Variants in RMND1 observed in about 807,000 individuals in gnomAD.
The protein encoded by RMND1 is required for meiotic nuclear division 1 homolog, also known as required for meiotic nuclear division protein 1 homolog.
In RMND1, 41 loss-of-function variants were observed where a neutral mutation model predicts 54.0. That is an observed-to-expected ratio of 0.76 (90% CI 0.59 to 0.98). The LOEUF (loss-of-function observed/expected upper bound fraction) is 0.98. RMND1 is among the 50% of genes least tolerant of loss of function. RMND1 has a pLI of 0.00. For synonymous variants in RMND1, 183 were observed against 181.7 expected, an observed-to-expected ratio of 1.01 and a Z score of -0.06; for missense variants, 457 against 532.0, an observed-to-expected ratio of 0.86 and a Z score of 1.39.
intron 5 of RMND1, among the ~76,000 whole-genome samples, chr6:151,428,796 A>C (rs554111445): frequency 6.6e-6 from 1 of 152,212 alleles, no homozygotes; most frequent in African/African-American, 2.4e-5. Flanking sequence ...AGACTCCCAA[A>C]GTGATACGAT....
intron 6 of RMND1, among the ~76,000 whole-genome samples, chr6:151,424,301 A>G (rs1199805034): frequency 1.3e-5 from 2 of 152,004 alleles, no homozygotes; most frequent in African/African-American, 2.4e-5. Flanking sequence ...TCTACTCAAA[A>G]CACAAAATAA....
chr6:151,449,744 CCCTGCCTGATTCT>C (rs1275712693), intron 1 of RMND1, among the ~76,000 whole-genome samples: 10 of 152,208 alleles, frequency 6.6e-5, no homozygotes, highest in Admixed American at 5.9e-4. Flanking sequence ...ACTGCAACCT[CCCTGCCTGATTCT>C]CCTGCCTCAG....
chr6:151,428,584 T>G (rs546882444), intron 5 of RMND1, among the ~76,000 whole-genome samples: 134 of 152,272 alleles, frequency 8.8e-4, no homozygotes, highest in Middle Eastern at 3.4e-3. Flanking sequence ...CAGGCTGGAG[T>G]GCAGTGATGC....
chr6:151,426,919 G>A (rs995296219), intron 6 of RMND1, among the ~76,000 whole-genome samples: 11 of 151,392 alleles, frequency 7.3e-5, no homozygotes, highest in East Asian at 3.9e-4. Flanking sequence ...ACAAGCACCC[G>A]CCACCATAAC....
intron 1 of RMND1, among the ~76,000 whole-genome samples, chr6:151,451,671 A>C (rs969656432): frequency 6.6e-6 from 1 of 152,216 alleles, no homozygotes; most frequent in African/African-American, 2.4e-5. Flanking sequence ...GGCACATTTC[A>C]ACTTTTAGAG....
rs139249125 is a variant in RMND1 at position 151,425,665 on chromosome 6, C to T, written c.830+1817G>A. 3.2e-3 allele frequency among the ~76,000 whole-genome samples: 487 copies of T among 152,292 alleles called. 3 individuals are homozygous for T. The highest frequency in any genetic ancestry group is 0.011 in the African/African-American group (462 of 41,556). On this transcript the variant is annotated intron_variant, in intron 6 of 11. Transcript: ENST00000444024. ...TTGCTGTCTCTCTCAGGTTTATATC[C>T]TTACCTCTGACTGCAGCCACCACTG...
At chr6:151,431,395 G>A (rs922746254) in intron 4 of RMND1, among the ~76,000 whole-genome samples, 1 of 152,162 alleles carries the variant, frequency 6.6e-6, no homozygotes, top group Non-Finnish European at 1.5e-5. Context: ...GAATGACCCT[G>A]CTTACAATAG....
chr6:151,428,714 T>G (rs1780373948), intron 5 of RMND1, among the ~76,000 whole-genome samples: 1 of 152,142 alleles, frequency 6.6e-6, no homozygotes, highest in Non-Finnish European at 1.5e-5. Context: ...AAAAACTTTT[T>G]GTAGAGATGG....
chr6:151,427,695 T>C (rs1780343359), intron 5 of RMND1, 113 bp from the exon 6 acceptor site: 1 of 635,502 alleles, frequency 1.6e-6, no homozygotes, highest in Admixed American at 2.8e-5. Flanking sequence ...TTATTTCTGT[T>C]GCATGTTTTT....
At chr6:151,410,104 G>A (rs1286188774) in intron 10 of RMND1, among the ~76,000 whole-genome samples, 2 of 150,910 alleles carry the variant, frequency 1.3e-5, no homozygotes, top group East Asian at 1.9e-4. Flanking sequence ...ACCCAGGCTG[G>A]ACTGCAGTGG....
intron 10 of RMND1, among the ~76,000 whole-genome samples, chr6:151,407,132 T>G (rs899024997): frequency 6.6e-6 from 1 of 151,656 alleles, no homozygotes; most frequent in Non-Finnish European, 1.5e-5. Flanking sequence ...CCAGCCTGGG[T>G]GCCAAAGTGA....
chr6:151,405,631 A>C, intron 11 of RMND1, 89 bp downstream of exon 11: 1 of 704,540 alleles, frequency 1.4e-6, no homozygotes, highest in Non-Finnish European at 2.4e-6. Flanking sequence ...TCTGCTAATA[A>C]TTTTCTATCT....
chr6:151,407,604 A>G (rs780338646), intron 10 of RMND1, among the ~76,000 whole-genome samples: 16 of 152,106 alleles, frequency 1.1e-4, no homozygotes, highest in South Asian at 6.2e-4. Flanking sequence ...ACACACTGAA[A>G]TGTGCAAGCA....
chr6:151,405,537 T>G (rs1373419226), intron 11 of RMND1, among the ~76,000 whole-genome samples, 183 bp downstream of exon 11: 3 of 152,326 alleles, frequency 2.0e-5, no homozygotes, highest in Middle Eastern at 3.4e-3. Flanking sequence ...TGGAACCTTT[T>G]CAAGAATTAC....
chr6:151,405,083 T>C lies in RMND1; in HGVS notation c.*152A>G. ...GGGGTTTCACCATGTTGGCCAGGCT[T>C]GTCTTGAGCTCCTGATCTCATCTCA... is the stretch of plus-strand genomic sequence containing the variant. On this transcript the variant is annotated 3_prime_UTR_variant, in exon 12 of 12. Coordinates refer to ENST00000444024, the MANE Select transcript of RMND1 (RefSeq NM_017909.4). The C allele has an allele frequency of 1.7e-6, 1 of 602,508 alleles. No homozygotes were observed. Among genetic ancestry groups the C allele is most frequent in the South Asian group, 2.0e-5 (1 of 49,316 alleles). The allele number at this position is 602,508 out of a possible 1,614,324, so 37.3% of individuals were successfully genotyped here.
At chr6:151,450,184 C>A (rs1366272915) in intron 1 of RMND1, among the ~76,000 whole-genome samples, 1 of 150,004 alleles carries the variant, frequency 6.7e-6, no homozygotes, top group African/African-American at 2.5e-5. Flanking sequence ...TCCCGGCCGC[C>A]ATCCCATCTA....
rs1779557164 is a variant in RMND1 at position 151,404,963 on chromosome 6, A to G, written c.*272T>C. 1 of 340,320 alleles carries G rather than the reference A, an allele frequency of 2.9e-6. No individual in the cohort carries two copies. The highest frequency in any genetic ancestry group is 5.3e-6 in the Non-Finnish European group (1 of 186,986). 21.1% of individuals were successfully genotyped at this position (340,320 alleles called of 1,614,324 possible). ...AGCTCACTGCAACCTCCGCCTCCCA[A>G]GTTCAAGAGATTCTCCTGCCTCAGC... On this transcript the variant is annotated 3_prime_UTR_variant, in exon 12 of 12. Coordinates refer to ENST00000444024, the MANE Select transcript of RMND1 (RefSeq NM_017909.4).
At chr6:151,438,809 T>C (rs76633193) in intron 2 of RMND1, among the ~76,000 whole-genome samples, 103 of 122,990 alleles carry the variant, frequency 8.4e-4, no homozygotes, top group Middle Eastern at 5.0e-3. Context: ...TTTTTTTTTT[T>C]CCAAAAAAAA....
intron 6 of RMND1, among the ~76,000 whole-genome samples, chr6:151,425,924 T>C (rs1414252730): frequency 6.7e-6 from 1 of 149,918 alleles, no homozygotes; most frequent in Non-Finnish European, 1.5e-5. Context: ...TTCCAAGTCT[T>C]CCCAAAGCTC....
Sources: allele counts gnomAD v4.1 joint callset (sites outside exome capture counted in the v4.1 genomes callset), GRCh38; gene constraint gnomAD v4.1.1; transcripts MANE v1.5; gene names NCBI Gene and HGNC (gene_info 2026-07-23, HGNC 2026-07-21).